Variants in UPF1 observed in about 807,000 individuals in gnomAD.
The protein encoded by UPF1 is regulator of nonsense transcripts 1.
UPF1 carries 9 observed loss-of-function variants against 129.2 expected under a neutral mutation model. The observed-to-expected ratio is 0.07, with a 90% CI of 0.04 to 0.12. UPF1 has a LOEUF of 0.12. Ranked by LOEUF, UPF1 falls within the 10% of genes least tolerant of loss-of-function variation. The pLI, the probability that UPF1 is intolerant of heterozygous loss-of-function variation, is 1.00. For synonymous variants in UPF1, 649 were observed against 644.9 expected (o/e 1.01, Z -0.10); for missense variants, 788 against 1,525.3 (o/e 0.52, Z 8.05).
chr19:18,856,048 G>T lies in UPF1; in HGVS notation c.1668G>T (p.Val556=), dbSNP rs1267459426. The T allele has an allele frequency of 1.9e-6, 3 of 1,614,002 alleles. No homozygotes were observed. In the Admixed American group the frequency reaches 5.0e-5, roughly 27 times the overall value. The change falls in exon 12 of 24, where the codon GTG becomes GTT. Residue 556 remains valine (V), a synonymous_variant. Transcript: ENST00000262803. Reference sequence around the variant, plus strand: ...GCCGTGAGGCCATCGACTCCCCGGTGTCTTTTCTGGCCCTGCACAACCAGA... The same window carrying T: ...GCCGTGAGGCCATCGACTCCCCGGTTTCTTTTCTGGCCCTGCACAACCAGA... The part of the protein sequence containing the change: ...AKSREAIDSP[V]SFLALHNQIR...
At chr19:18,841,493 C>T (rs1359980272) in intron 1 of UPF1, among the ~76,000 whole-genome samples, 1 of 152,238 alleles carries the variant, frequency 6.6e-6, no homozygotes, top group Non-Finnish European at 1.5e-5. Flanking sequence ...CTCTCCACAG[C>T]AGATTCTTTA....
chr19:18,852,115 G>T lies in UPF1; in HGVS notation c.811-20G>T. 6.3e-7 allele frequency: 1 copy of T among 1,589,960 alleles called. No individual in the cohort carries two copies. The highest frequency in any genetic ancestry group is 8.6e-7 in the Non-Finnish European group (1 of 1,168,156). ...TAGGGAAAAACAGGACGAGTGTGGC[G>T]CGGTGTTGTTGTCTTCTAGGAAAAC... On this transcript the variant is annotated intron_variant, in intron 5 of 23. Transcript: ENST00000262803.
intron 17 of UPF1, among the ~76,000 whole-genome samples, chr19:18,861,264 C>A (rs2055775983): frequency 6.6e-6 from 1 of 152,248 alleles, no homozygotes; most frequent in African/African-American, 2.4e-5. Flanking sequence ...ATGGTTGAAA[C>A]AAGTCCAAGG....
rs1483903984 is a variant in UPF1, at chr19:18,853,961, G to A, written c.1156+611G>A. ...TGCTGGGGCCTGACCATTCAGCGGT[G>A]GCCTCCACAGGGGTAGGGAGAGTTG... is the stretch of plus-strand genomic sequence containing the variant. On this transcript the variant is annotated intron_variant, in intron 8 of 23. Coordinates refer to ENST00000262803, the MANE Select transcript of UPF1 (RefSeq NM_002911.4). This position sits in a 1 kb window ranked among gnomAD's most constrained non-coding sequence, Gnocchi z 4.4. Among the ~76,000 whole-genome samples the A allele has an allele frequency of 6.6e-6, 1 of 152,168 alleles. No homozygotes were observed. The highest frequency in any genetic ancestry group is 2.4e-5 in the African/African-American group (1 of 41,434).
chr19:18,833,093 T>G (rs1240846095), intron 1 of UPF1: 2 of 152,406 alleles, frequency 1.3e-5, no homozygotes, highest in African/African-American at 4.8e-5. Flanking sequence ...TTGGTGGGTC[T>G]GGCCGCCTGT....
At chr19:18,837,853 C>T (rs1316858955) in intron 1 of UPF1, among the ~76,000 whole-genome samples, 1 of 152,158 alleles carries the variant, frequency 6.6e-6, no homozygotes, top group African/African-American at 2.4e-5. Flanking sequence ...TGAGTTGTTT[C>T]CCTAGGAAAA....
chr19:18,860,644 A>G (rs1428022664), intron 16 of UPF1, among the ~76,000 whole-genome samples, 182 bp from the exon 17 acceptor site: 1 of 152,140 alleles, frequency 6.6e-6, no homozygotes, highest in Non-Finnish European at 1.5e-5. Context: ...CTAATCCCAC[A>G]TGGCAGCCGT....
intron 1 of UPF1, among the ~76,000 whole-genome samples, chr19:18,837,754 C>G (rs1444730506): frequency 6.6e-6 from 1 of 152,206 alleles, no homozygotes; most frequent in East Asian, 1.9e-4. Context: ...CAGGTCAGGT[C>G]TGCACTGCCT....
intron 17 of UPF1, among the ~76,000 whole-genome samples, chr19:18,861,373 C>T (rs145134289): frequency 0.03 from 4,494 of 152,252 alleles, 132 homozygotes; most frequent in Admixed American, 0.04. Flanking sequence ...ACACCCACTG[C>T]GGGTGTGTGG....
chr19:18,867,030 C>T lies in UPF1; in HGVS notation c.*513C>T, dbSNP rs1437770683. 6.6e-6 allele frequency: 1 copy of T among 152,646 alleles called. No individual in the cohort carries two copies. The highest frequency in any genetic ancestry group is 1.5e-5 in the Non-Finnish European group (1 of 68,040). The allele number at this position is 152,646 out of a possible 1,614,324, so 9.5% of individuals were successfully genotyped here. A position where few individuals can be genotyped will look rare whatever the true frequency, so the allele number is the denominator to read the frequency against. ...CGCGCTGCCTGTGTTCTCCGAGGGCCTTCATTTAAAGAAAATAAGGGTGTT... is the reference window on the plus strand; with the variant it reads ...CGCGCTGCCTGTGTTCTCCGAGGGCTTTCATTTAAAGAAAATAAGGGTGTT... On this transcript the variant is annotated 3_prime_UTR_variant, in exon 24 of 24. Coordinates refer to ENST00000262803, the MANE Select transcript of UPF1 (RefSeq NM_002911.4).
intron 2 of UPF1, among the ~76,000 whole-genome samples, chr19:18,847,360 A>G (rs1341756727): frequency 6.6e-6 from 1 of 152,228 alleles, no homozygotes; most frequent in African/African-American, 2.4e-5. Flanking sequence ...GTCTGTGCCC[A>G]GCTCCCTGGG....
chr19:18,867,776 C>G lies in UPF1; in HGVS notation c.*1259C>G, dbSNP rs575416121. The stretch of plus-strand genomic sequence containing the variant: ...AGAGCTGCCCCAGCCCCTCGAACGC[C>G]TGGCTTGGGGTGTCATTCTGCCTGG... On this transcript the variant is annotated 3_prime_UTR_variant, in exon 24 of 24. Transcript: ENST00000262803. The G allele has an allele frequency of 2.6e-5, 4 of 152,342 alleles. No homozygotes were observed. The highest frequency in any genetic ancestry group is 2.6e-4 in the Admixed American group (4 of 15,286). The allele number at this position is 152,342 out of a possible 1,614,324, so 9.4% of individuals were successfully genotyped here.
At chr19:18,845,591 G>A (rs974570860) in intron 1 of UPF1, among the ~76,000 whole-genome samples, 1 of 152,146 alleles carries the variant, frequency 6.6e-6, no homozygotes, top group African/African-American at 2.4e-5. Flanking sequence ...TGTTTGATGA[G>A]CCTTACACTG....
chr19:18,842,150 A>G (rs1009751691), intron 1 of UPF1, among the ~76,000 whole-genome samples: 2 of 152,204 alleles, frequency 1.3e-5, no homozygotes, highest in South Asian at 4.1e-4. Flanking sequence ...TGGTGGGACT[A>G]TGTGAAAGAT....
intron 1 of UPF1, among the ~76,000 whole-genome samples, chr19:18,834,373 C>T (rs1237295121): frequency 6.6e-6 from 1 of 152,156 alleles, no homozygotes; most frequent in East Asian, 1.9e-4. Context: ...CTGGGGCAGC[C>T]TTTAGTTCTG....
At chr19:18,857,557 G>A (rs1007358258) in intron 15 of UPF1, 24 bp downstream of exon 15, 1 of 1,581,896 alleles carries the variant, frequency 6.3e-7, no homozygotes, top group East Asian at 2.3e-5. Context: ...GCCCAGGGCA[G>A]GGGCTTCTAC....
rs990841861 is a variant in UPF1, at chr19:18,853,793, A to G, written c.1156+443A>G. ...TCCCAGGCCATGTTTGGGAATGTGCAGTGACCTCATGGTGATGCAGCCTGC... is the reference window on the plus strand; with the variant it reads ...TCCCAGGCCATGTTTGGGAATGTGCGGTGACCTCATGGTGATGCAGCCTGC... On this transcript the variant is annotated intron_variant, in intron 8 of 23. Transcript: ENST00000262803. The surrounding 1 kb of genome is among the most constrained non-coding windows in gnomAD (Gnocchi z 4.4). 7.9e-5 allele frequency among the ~76,000 whole-genome samples: 12 copies of G among 152,248 alleles called. No individual in the cohort carries two copies. The highest frequency in any genetic ancestry group is 3.2e-3 in the Middle Eastern group (1 of 316).
intron 1 of UPF1, among the ~76,000 whole-genome samples, chr19:18,844,996 C>A (rs1367438042): frequency 6.6e-6 from 1 of 152,264 alleles, no homozygotes; most frequent in Non-Finnish European, 1.5e-5. Context: ...GCACCCCAGC[C>A]AGGCGGGCTG....
intron 3 of UPF1, 44 bp downstream of exon 3, chr19:18,847,877 T>C: frequency 1.3e-6 from 2 of 1,564,422 alleles, no homozygotes; most frequent in Non-Finnish European, 1.8e-6. Flanking sequence ...AGTGCTGTGC[T>C]CAGATTTGTG....
Sources: gnomAD v4.1 joint callset for allele counts (sites outside exome capture counted in the v4.1 genomes callset) on GRCh38, gnomAD v4.1.1 for gene constraint, Gnocchi (gnomAD v3.1) non-coding constraint, MANE v1.5 for transcripts, NCBI Gene and HGNC (gene_info 2026-07-23, HGNC 2026-07-21) for gene names.